Variants in COL14A1 observed in about 807,000 individuals in gnomAD.
COL14A1 encodes collagen alpha-1(XIV) chain.
COL14A1 carries 136 observed loss-of-function variants against 230.3 expected under a neutral mutation model. The ratio of observed to expected loss-of-function variants is 0.59; its 90% CI spans 0.51 to 0.68. The LOEUF (loss-of-function observed/expected upper bound fraction) is 0.68, where lower values mean the gene tolerates loss of function less well. Ranked by LOEUF, COL14A1 falls within the 30% of genes least tolerant of loss-of-function variation. The pLI, the probability that COL14A1 is intolerant of heterozygous loss-of-function variation, is 0.00. For missense variants in COL14A1, 1,976 were observed against 2,215.8 expected (o/e 0.89, Z 2.17); for synonymous variants, 792 against 784.1 (o/e 1.01, Z -0.17).
rs554333226 is a variant in COL14A1 at position 120,194,171 on chromosome 8, C to T, written c.437-2620C>T. ...CACACTGGAAGCTGTCGACCGGAGCCATTCCTATTCGGCCATCTTGGCTGC... is the reference window on the plus strand; with the variant it reads ...CACACTGGAAGCTGTCGACCGGAGCTATTCCTATTCGGCCATCTTGGCTGC... On this transcript the variant is annotated intron_variant, in intron 5 of 47. Coordinates refer to ENST00000297848, the MANE Select transcript of COL14A1 (RefSeq NM_021110.4). 2.9e-4 allele frequency among the ~76,000 whole-genome samples: 44 copies of T among 152,314 alleles called. No homozygotes were observed. The South Asian group carries it at 5.0e-3, about 17-fold the overall frequency.
Position 120,285,865 on chromosome 8 carries a change from T to C in COL14A1, c.3972T>C (p.Gly1324=). The change falls in exon 33 of 48, where the codon GGT becomes GGC. Residue 1324 remains glycine, a synonymous_variant. Coordinates refer to ENST00000297848, the MANE Select transcript of COL14A1 (RefSeq NM_021110.4). ...TTTTTATTTTTCTTTCAATAGATGG[T>C]GGGAAAACTCTAACATATTTCAACT... ...DPLVGVILDN[G]GKTLTYFNYD... 6.4e-7 allele frequency: 1 copy of C among 1,569,344 alleles called. No individual in the cohort carries two copies. Among genetic ancestry groups the C allele is most frequent in the Non-Finnish European group, 8.7e-7 (1 of 1,150,772 alleles).
At chr8:120,200,739 ATATATATATATATATATATATATATATT>A (rs1157741297) in intron 8 of COL14A1, among the ~76,000 whole-genome samples, 1 of 69,924 alleles carries the variant, frequency 1.4e-5, no homozygotes. Context: ...ATATATATAT[ATATATATATATATATATATATATATATT>A]ATTTTTCATC....
chr8:120,165,075 G>A (rs1815817770), intron 4 of COL14A1, among the ~76,000 whole-genome samples: 1 of 152,232 alleles, frequency 6.6e-6, no homozygotes, highest in Admixed American at 6.5e-5. Flanking sequence ...AAGCGTGTAT[G>A]TTTTTAGCTG....
At chr8:120,196,760 C>T (rs1013198893) in intron 5 of COL14A1, 31 bp from the exon 6 acceptor site, 2 of 1,606,558 alleles carry the variant, frequency 1.2e-6, no homozygotes, top group Non-Finnish European at 1.7e-6. Flanking sequence ...CTGACAGTAA[C>T]ACATGCGCTT....
At chr8:120,349,815 G>A (rs1360587741) in intron 45 of COL14A1, among the ~76,000 whole-genome samples, 6 of 141,558 alleles carry the variant, frequency 4.2e-5, no homozygotes, top group African/African-American at 8.4e-5. Context: ...ACACTCTGCA[G>A]GATATTATCC....
intron 41 of COL14A1, among the ~76,000 whole-genome samples, 191 bp from the exon 42 acceptor site, chr8:120,332,473 G>A (rs763772385): frequency 6.6e-5 from 10 of 152,090 alleles, no homozygotes; most frequent in Non-Finnish European, 1.0e-4. Context: ...AACCACACCT[G>A]ATATATAGTG....
intron 34 of COL14A1, among the ~76,000 whole-genome samples, chr8:120,296,659 A>C (rs1050538197): frequency 6.6e-6 from 1 of 152,012 alleles, no homozygotes. Flanking sequence ...AGGAAGAAAT[A>C]TAGTAAAAAT....
Position 120,224,023 on chromosome 8 carries a change from C to CTTTTTTTTTTTTTTTTTT in COL14A1, c.1738-1061_1738-1044dup, listed in dbSNP as rs962510256. Among the ~76,000 whole-genome samples, 5 of 78,252 alleles carry CTTTTTTTTTTTTTTTTTT rather than the reference C, an allele frequency of 6.4e-5. 1 individual carries two copies. The highest frequency in any genetic ancestry group is 1.0e-4 in the African/African-American group (2 of 19,276). 51.3% of individuals were successfully genotyped at this position (78,252 alleles called of 152,430 possible). A position where few individuals can be genotyped will look rare whatever the true frequency, so the allele number is the denominator to read the frequency against. On this transcript the variant is annotated intron_variant, in intron 14 of 47. Transcript: ENST00000297848. ...GCCTTCTAGACCCTGCCCTCATCTC[C>CTTTTTTTTTTTTTTTTTT]TTTTTTTTTTTTTTTTTTTTTGAGA...
At chr8:120,302,320 A>G (rs1290559536) in intron 36 of COL14A1, among the ~76,000 whole-genome samples, 4 of 102,742 alleles carry the variant, frequency 3.9e-5, no homozygotes, top group Non-Finnish European at 7.3e-5. Flanking sequence ...GCTCGTGCCT[A>G]TGTCCTGAAA....
intron 2 of COL14A1, among the ~76,000 whole-genome samples, chr8:120,154,797 A>G (rs1815409968): frequency 6.6e-6 from 1 of 152,164 alleles, no homozygotes; most frequent in African/African-American, 2.4e-5. Flanking sequence ...GTTAAAAAAA[A>G]GTACTTCCTT....
chr8:120,293,021 A>C (rs1820419626), intron 34 of COL14A1, among the ~76,000 whole-genome samples: 1 of 152,122 alleles, frequency 6.6e-6, no homozygotes, highest in South Asian at 2.1e-4. Context: ...ATGTGGAATG[A>C]AACTTAACAA....
chr8:120,229,730 A>T (rs1264283907), intron 18 of COL14A1, among the ~76,000 whole-genome samples: 2 of 152,136 alleles, frequency 1.3e-5, no homozygotes, highest in Non-Finnish European at 2.9e-5. Context: ...TCCCACCAAC[A>T]GTGTAAAAGT....
chr8:120,368,932 G>T (rs150984072), intron 46 of COL14A1, among the ~76,000 whole-genome samples: 1 of 152,134 alleles, frequency 6.6e-6, no homozygotes, highest in South Asian at 2.1e-4. Flanking sequence ...ATGAGGTTGA[G>T]CTCTGAGTGT....
intron 5 of COL14A1, among the ~76,000 whole-genome samples, chr8:120,185,930 G>A (rs1021308767): frequency 6.6e-6 from 1 of 151,974 alleles, no homozygotes; most frequent in Non-Finnish European, 1.5e-5. Context: ...CTGCCACCAC[G>A]ACCAGCTAAT....
intron 4 of COL14A1, among the ~76,000 whole-genome samples, chr8:120,166,875 A>AGAGTGTGT (rs1491532035): frequency 1.7e-5 from 2 of 116,974 alleles, no homozygotes; most frequent in South Asian, 6.8e-4. Flanking sequence ...AAAGAATTTA[A>AGAGTGTGT]GTGTGTGTGT....
At chr8:120,245,248 C>T (rs575550656) in intron 20 of COL14A1, among the ~76,000 whole-genome samples, 62 of 152,238 alleles carry the variant, frequency 4.1e-4, no homozygotes, top group African/African-American at 1.5e-3. Context: ...ACTAATTACT[C>T]CCTGGTATTT....
At chr8:120,257,727 A>G (rs866352195) in intron 23 of COL14A1, among the ~76,000 whole-genome samples, 2 of 152,274 alleles carry the variant, frequency 1.3e-5, no homozygotes, top group Middle Eastern at 6.8e-3. Flanking sequence ...TTTCCACTCC[A>G]GGCAAAGGAG....
chr8:120,223,974 T>C (rs2130798052), intron 14 of COL14A1, among the ~76,000 whole-genome samples: 1 of 151,196 alleles, frequency 6.6e-6, no homozygotes, highest in Non-Finnish European at 1.5e-5. Flanking sequence ...AAGCTGCATC[T>C]GTTCTTTCTC....
intron 47 of COL14A1, chr8:120,370,221 A>G (rs1823539671): frequency 1.8e-6 from 2 of 1,085,756 alleles, no homozygotes; most frequent in Admixed American, 2.1e-5. Context: ...TTTCTGCTTC[A>G]GTAGAAATTT....
Sources: gnomAD v4.1 joint callset for allele counts (sites outside exome capture counted in the v4.1 genomes callset) on GRCh38, gnomAD v4.1.1 for gene constraint, MANE v1.5 for transcripts, NCBI Gene and HGNC (gene_info 2026-07-23, HGNC 2026-07-21) for gene names.